The following NT5C2 variants were observed in gnomAD, a reference collection of about 807,000 sequenced individuals.
NT5C2 encodes the protein cytosolic purine 5'-nucleotidase.
In NT5C2, 58 loss-of-function variants were observed where a neutral mutation model predicts 76.1. The observed-to-expected ratio is 0.76, with a 90% confidence interval of 0.62 to 0.95. The LOEUF (loss-of-function observed/expected upper bound fraction) is 0.95. NT5C2 is among the 40% of genes least tolerant of loss of function. The pLI is 0.00. For synonymous variants in NT5C2, 229 were observed against 237.4 expected (o/e 0.96, Z 0.32); for missense variants, 478 against 690.3 (o/e 0.69, Z 3.45).
At chr10:103,129,773 C>T (rs2077664235) in intron 4 of NT5C2, among the ~76,000 whole-genome samples, 2 of 110,506 alleles carry the variant, frequency 1.8e-5, no homozygotes, top group Admixed American at 8.6e-5. Context: ...GCCCCCCGCC[C>T]GGCCAGCCGC....
At position 103,090,719 on chromosome 10, in the gene NT5C2, C is replaced by T; in HGVS notation, c.1341G>A (p.Gln447=). Residue 447 remains glutamine (Q), a synonymous_variant, in exon 18 of 19, where the codon CAG becomes CAA. Transcript: ENST00000404739. ...MGSLFRSGSR[Q]TLFASQVMRY... The stretch of plus-strand genomic sequence containing the variant: ...GCATCACTTGACTGGCAAAAAGGGT[C>T]TGCCGGGAGCCACTGCGAAACAGGC... 6.2e-7 allele frequency: 1 copy of T among 1,614,186 alleles called. No homozygotes were observed. Among genetic ancestry groups the T allele is most frequent in the Non-Finnish European group, 8.5e-7 (1 of 1,180,042 alleles).
intron 3 of NT5C2, among the ~76,000 whole-genome samples, chr10:103,160,471 G>GTGTT (rs962856829): frequency 6.6e-6 from 1 of 152,120 alleles, no homozygotes; most frequent in Non-Finnish European, 1.5e-5. Flanking sequence ...TCAGCCCACA[G>GTGTT]AACAGGAGAC....
chr10:103,174,217 G>A (rs538733512), intron 3 of NT5C2, among the ~76,000 whole-genome samples: 1 of 152,168 alleles, frequency 6.6e-6, no homozygotes, highest in Non-Finnish European at 1.5e-5. Context: ...GATCACCCTG[G>A]CCAACATGGC....
chr10:103,142,986 C>CAA lies in NT5C2; in HGVS notation c.102-3509_102-3508dup, dbSNP rs371773086. ...CCTGGGCTACAAAGCAAGATTCCAT[C>CAA]AAAAAAAAAAAAAAAAAGAAGAATA... On this transcript the variant is annotated intron_variant, in intron 3 of 18. Coordinates refer to ENST00000404739, the MANE Select transcript of NT5C2 (RefSeq NM_001351169.2). 3.0e-3 allele frequency among the ~76,000 whole-genome samples: 152 copies of CAA among 50,382 alleles called. 2 individuals are homozygous for CAA. Among genetic ancestry groups the CAA allele is most frequent in the African/African-American group, 7.2e-3 (103 of 14,322 alleles). The allele number at this position is 50,382 out of a possible 152,430, so 33.1% of individuals were successfully genotyped here. A position where few individuals can be genotyped will look rare whatever the true frequency, so the allele number is the denominator to read the frequency against.
intron 6 of NT5C2, among the ~76,000 whole-genome samples, chr10:103,103,968 C>T (rs1044257880): frequency 6.6e-6 from 1 of 152,248 alleles, no homozygotes; most frequent in Non-Finnish European, 1.5e-5. Context: ...CTCCTCCTGC[C>T]TCAGTCTCCC....
In NT5C2 at chr10:103,111,126, A is replaced by C. The variant is rs560536360; in HGVS notation, c.176-4420T>G. 2.0e-4 allele frequency among the ~76,000 whole-genome samples: 30 copies of C among 152,344 alleles called. No homozygotes were observed. The South Asian group carries it at 2.3e-3, about 12-fold the overall frequency. ...CAATTTCTCTCCCACAACTGTGGCAAGTAAATGATGCACAGCTTCAAGCTC... is the reference window on the plus strand; with the variant it reads ...CAATTTCTCTCCCACAACTGTGGCACGTAAATGATGCACAGCTTCAAGCTC... On this transcript the variant is annotated intron_variant, in intron 4 of 18. Transcript: ENST00000404739.
In NT5C2 at chr10:103,139,481, TATAGAAAATA is replaced by T. The variant is rs1317789820; in HGVS notation, c.102-12_102-3del. 6.5e-7 allele frequency: 1 copy of T among 1,548,502 alleles called. No individual in the cohort carries two copies. Among genetic ancestry groups the T allele is most frequent in the Non-Finnish European group, 8.8e-7 (1 of 1,140,754 alleles). On this transcript the variant is annotated splice_region_variant and splice_polypyrimidine_tract_variant and intron_variant, in intron 3 of 18. Transcript: ENST00000404739. ...GCTAAACTTCGGTTCACAAACACCC[TATAGAAAATA>T]ATAAAAAATAATATCTCAACACTGG...
At chr10:103,148,126 C>G (rs192116978) in intron 3 of NT5C2, among the ~76,000 whole-genome samples, 3 of 152,028 alleles carry the variant, frequency 2.0e-5, no homozygotes, top group Admixed American at 1.3e-4. Context: ...AAATTCAAAG[C>G]TCAAATACCA....
intron 2 of NT5C2, among the ~76,000 whole-genome samples, chr10:103,177,322 C>T (rs1010190939): frequency 3.3e-5 from 5 of 152,074 alleles, no homozygotes; most frequent in African/African-American, 7.2e-5. Flanking sequence ...TTACATTAGG[C>T]TATTCTTAGG....
rs3837340 is a variant in NT5C2 at position 103,092,902 on chromosome 10, A to AAACTT, written c.1159+232_1159+236dup. On this transcript the variant is annotated intron_variant, in intron 15 of 18. Coordinates refer to ENST00000404739, the MANE Select transcript of NT5C2 (RefSeq NM_001351169.2). The stretch of plus-strand genomic sequence containing the variant: ...ACACAACTCAAGACGCCAACATTCT[A>AAACTT]AACTTAACCTCGAAGAGATTCAAGA... 0.31 allele frequency among the ~76,000 whole-genome samples: 47,240 copies of AAACTT among 151,764 alleles called. 7,387 individuals are homozygous for AAACTT. Among genetic ancestry groups the AAACTT allele is most frequent in the Middle Eastern group, 0.36 (105 of 292 alleles).
chr10:103,186,144 G>A (rs1176914250), intron 1 of NT5C2, among the ~76,000 whole-genome samples: 1 of 152,192 alleles, frequency 6.6e-6, no homozygotes, highest in Non-Finnish European at 1.5e-5. Flanking sequence ...GGATTCTGGA[G>A]CCACACTGCC....
At chr10:103,179,195 C>G (rs1464371541) in intron 2 of NT5C2, among the ~76,000 whole-genome samples, 1 of 151,992 alleles carries the variant, frequency 6.6e-6, no homozygotes, top group Non-Finnish European at 1.5e-5. Flanking sequence ...GATCTGCCCA[C>G]CTTGGCCTTC....
rs141779041 is a variant in NT5C2 at position 103,160,179 on chromosome 10, T to C, written c.101+14679A>G. Among the ~76,000 whole-genome samples, 746 of 152,272 alleles carry C rather than the reference T, an allele frequency of 4.9e-3. 1 individual carries two copies. Among genetic ancestry groups the C allele is most frequent in the African/African-American group, 0.017 (714 of 41,554 alleles). On this transcript the variant is annotated intron_variant, in intron 3 of 18. Transcript: ENST00000404739. ...TTTCAAAAAATGGTGCTAGGACAAC[T>C]GGATAGTCATGTGCAAAAAAATGAA...
intron 3 of NT5C2, among the ~76,000 whole-genome samples, chr10:103,163,925 T>A (rs1410625055): frequency 1.3e-5 from 2 of 148,516 alleles, no homozygotes; most frequent in African/African-American, 5.0e-5. Context: ...CTCAGGAGCC[T>A]GAGGCACAAG....
At chr10:103,131,799 G>GT (rs1405477638) in intron 4 of NT5C2, among the ~76,000 whole-genome samples, 1 of 152,138 alleles carries the variant, frequency 6.6e-6, no homozygotes, top group East Asian at 1.9e-4. Context: ...GCTTGCACCT[G>GT]TATCTCCAGC....
chr10:103,165,562 T>C (rs752259256), intron 3 of NT5C2, among the ~76,000 whole-genome samples: 126 of 136,050 alleles, frequency 9.3e-4, no homozygotes, highest in Non-Finnish European at 1.7e-3. Context: ...AGGCGTGCAC[T>C]ACCACCTGTG....
intron 3 of NT5C2, among the ~76,000 whole-genome samples, chr10:103,163,467 C>G (rs921877889): frequency 9.2e-5 from 14 of 152,062 alleles, no homozygotes; most frequent in Non-Finnish European, 1.6e-4. Context: ...TTTATTTTAG[C>G]TATTGTAACA....
At chr10:103,096,060 A>G in intron 11 of NT5C2, 80 bp from the exon 12 acceptor site, 1 of 1,032,098 alleles carries the variant, frequency 9.7e-7, no homozygotes, top group Non-Finnish European at 1.5e-6. Flanking sequence ...CAAGCTTTTC[A>G]CAAAACATGT....
At chr10:103,095,416 T>TA (rs2067950029) in intron 12 of NT5C2, among the ~76,000 whole-genome samples, 1 of 152,242 alleles carries the variant, frequency 6.6e-6, no homozygotes. Context: ...TCTGTAAGTA[T>TA]GTGACTAAGT....
Sources: allele counts gnomAD v4.1 joint callset (sites outside exome capture counted in the v4.1 genomes callset), GRCh38; gene constraint gnomAD v4.1.1; transcripts MANE v1.5; gene names NCBI Gene and HGNC (gene_info 2026-07-23, HGNC 2026-07-21).